The following LRRC38 variants were observed in gnomAD, a reference collection of about 807,000 sequenced individuals.
LRRC38 encodes the protein leucine rich repeat containing 38.
A neutral mutation model predicts 16.4 loss-of-function variants in LRRC38; 5 were observed. The observed-to-expected ratio is 0.31, with a 90% CI of 0.16 to 0.64. The LOEUF (loss-of-function observed/expected upper bound fraction) is 0.64. LRRC38 is among the 30% of genes least tolerant of loss of function. The pLI, the probability that LRRC38 is intolerant of heterozygous loss-of-function variation, is 0.80. For missense variants in LRRC38, 341 were observed against 401.8 expected, an observed-to-expected ratio of 0.85 and a Z score of 1.29; for synonymous variants, 191 against 190.2, an observed-to-expected ratio of 1.00 and a Z score of -0.04.
intron 1 of LRRC38, among the ~76,000 whole-genome samples, chr1:13,494,828 C>A (rs1639062685): frequency 6.6e-6 from 1 of 152,244 alleles, no homozygotes; most frequent in African/African-American, 2.4e-5. Flanking sequence ...CATGACCCTA[C>A]AGTCTAAGCC....
chr1:13,484,912 C>T (rs1293215820), intron 1 of LRRC38, among the ~76,000 whole-genome samples: 2 of 152,330 alleles, frequency 1.3e-5, no homozygotes, highest in East Asian at 3.9e-4. Context: ...ATGGAAGAGC[C>T]GGGATCTAGA....
At chr1:13,499,701 C>T (rs779195097) in intron 1 of LRRC38, among the ~76,000 whole-genome samples, 3 of 152,146 alleles carry the variant, frequency 2.0e-5, no homozygotes, top group South Asian at 4.1e-4. Context: ...GGTGGTCTCA[C>T]GGCCCCAGCC....
At chr1:13,482,961 A>T (rs1638887420) in intron 1 of LRRC38, among the ~76,000 whole-genome samples, 1 of 152,074 alleles carries the variant, frequency 6.6e-6, no homozygotes, top group Admixed American at 6.5e-5. Context: ...AGGGCAAGTG[A>T]CTTGCCCGGG....
intron 1 of LRRC38, 37 bp downstream of exon 1, chr1:13,512,926 C>CCGG: frequency 7.7e-7 from 1 of 1,295,016 alleles, no homozygotes; most frequent in Non-Finnish European, 1.1e-6. Context: ...TCCCTGCCCC[C>CCGG]CTCCCTCCCT....
chr1:13,510,132 G>A lies in LRRC38; in HGVS notation c.631+2831C>T, dbSNP rs187197055. On this transcript the variant is annotated intron_variant, in intron 1 of 1. Coordinates refer to ENST00000376085, the MANE Select transcript of LRRC38 (RefSeq NM_001010847.2). ...TGCTTCTCTGGGGGACAAGGGGGCA[G>A]GGAGGCAAGGGAAAGCAAGGGTAGG... Among the ~76,000 whole-genome samples the A allele has an allele frequency of 7.2e-5, 11 of 152,294 alleles. No individual in the cohort carries two copies. In the East Asian group the frequency reaches 2.1e-3, roughly 29 times the overall value.
At chr1:13,490,177 G>C (rs560413500) in intron 1 of LRRC38, among the ~76,000 whole-genome samples, 32 of 152,140 alleles carry the variant, frequency 2.1e-4, no homozygotes, top group South Asian at 8.3e-4. Context: ...TTTGTTTTTA[G>C]ACAGAGTCTC....
intron 1 of LRRC38, among the ~76,000 whole-genome samples, chr1:13,498,249 C>CAA (rs112781450): frequency 6.8e-6 from 1 of 147,236 alleles, no homozygotes; most frequent in South Asian, 2.2e-4. Flanking sequence ...CAAAACAAAA[C>CAA]AAAAAAAAAA....
chr1:13,486,355 A>G (rs185202691), intron 1 of LRRC38, among the ~76,000 whole-genome samples: 1 of 152,142 alleles, frequency 6.6e-6, no homozygotes, highest in Non-Finnish European at 1.5e-5. Flanking sequence ...CAGATCCTTC[A>G]TTTAATTACA....
At chr1:13,511,224 T>TG (rs1405637704) in intron 1 of LRRC38, among the ~76,000 whole-genome samples, 8 of 152,218 alleles carry the variant, frequency 5.3e-5, no homozygotes, top group Non-Finnish European at 1.5e-5. Context: ...TCACCTTGTT[T>TG]GGATCTCGAC....
chr1:13,488,760 G>A (rs1347192059), intron 1 of LRRC38, among the ~76,000 whole-genome samples: 1 of 152,078 alleles, frequency 6.6e-6, no homozygotes, highest in African/African-American at 2.4e-5. Context: ...ATTGTATTAC[G>A]TGCTCACTGG....
In LRRC38 at chr1:13,512,931, C is replaced by T; in HGVS notation, c.631+32G>A. The T allele has an allele frequency of 3.6e-6, 5 of 1,404,078 alleles. 1 individual carries two copies. Among genetic ancestry groups the T allele is most frequent in the South Asian group, 2.6e-5 (2 of 78,046 alleles). 87.0% of individuals were successfully genotyped at this position (1,404,078 alleles called of 1,614,324 possible). A position where few individuals can be genotyped will look rare whatever the true frequency, so the allele number is the denominator to read the frequency against. Reference sequence around the variant, plus strand: ...GGGTGGCCTCTCCCTGCCCCCCTCCCTCCCTCCCCCAGCCTAGCCGGCTCG... The same window carrying T: ...GGGTGGCCTCTCCCTGCCCCCCTCCTTCCCTCCCCCAGCCTAGCCGGCTCG... On this transcript the variant is annotated intron_variant, in intron 1 of 1. Coordinates refer to ENST00000376085, the MANE Select transcript of LRRC38 (RefSeq NM_001010847.2).
intron 1 of LRRC38, among the ~76,000 whole-genome samples, chr1:13,495,723 A>G (rs1313084949): frequency 6.6e-6 from 1 of 152,118 alleles, no homozygotes; most frequent in Non-Finnish European, 1.5e-5. Context: ...GCCCCTGGTG[A>G]TGGCAACCTC....
intron 1 of LRRC38, among the ~76,000 whole-genome samples, chr1:13,503,183 AG>A (rs1639170457): frequency 6.6e-6 from 1 of 152,190 alleles, no homozygotes; most frequent in African/African-American, 2.4e-5. Context: ...CACCTAGAGC[AG>A]GGATCTACCA....
chr1:13,485,964 G>T (rs939320147), intron 1 of LRRC38, among the ~76,000 whole-genome samples: 1 of 152,032 alleles, frequency 6.6e-6, no homozygotes, highest in Admixed American at 6.6e-5. Context: ...ACGGAGTCTC[G>T]CTCTGTCACC....
chr1:13,503,561 G>A (rs773549855), intron 1 of LRRC38, among the ~76,000 whole-genome samples: 33 of 152,280 alleles, frequency 2.2e-4, no homozygotes, highest in Middle Eastern at 6.8e-3. Context: ...GAGCCACCAC[G>A]CCCAGCCCAT....
intron 1 of LRRC38, 28 bp downstream of exon 1, chr1:13,512,935 C>CCA: frequency 1.4e-5 from 21 of 1,490,262 alleles, no homozygotes; most frequent in Middle Eastern, 1.7e-4. Context: ...CCCTCCCTCC[C>CCA]TCCCCCAGCC....
chr1:13,477,816 C>T (rs1263669062), intron 1 of LRRC38, among the ~76,000 whole-genome samples: 4 of 152,092 alleles, frequency 2.6e-5, no homozygotes, highest in African/African-American at 4.8e-5. Flanking sequence ...AAACAGAGAC[C>T]CTGTGTCAAA....
chr1:13,497,538 G>A (rs1324091674), intron 1 of LRRC38, among the ~76,000 whole-genome samples: 1 of 151,996 alleles, frequency 6.6e-6, no homozygotes, highest in East Asian at 1.9e-4. Flanking sequence ...CTTGGCTGGT[G>A]ACCAACTTAC....
chr1:13,503,864 C>T (rs1639178796), intron 1 of LRRC38, among the ~76,000 whole-genome samples: 1 of 152,166 alleles, frequency 6.6e-6, no homozygotes, highest in Non-Finnish European at 1.5e-5. Flanking sequence ...CCCTCAAGGT[C>T]CTGACTCCCT....
Sources: allele counts gnomAD v4.1 joint callset (sites outside exome capture counted in the v4.1 genomes callset), GRCh38; gene constraint gnomAD v4.1.1; transcripts MANE v1.5; gene names NCBI Gene and HGNC (gene_info 2026-07-23, HGNC 2026-07-21).